Variants in NUP160 observed in about 807,000 individuals in gnomAD.
NUP160 encodes the protein nucleoporin 160, also known as nuclear pore complex protein Nup160.
A neutral mutation model predicts 196.9 loss-of-function variants in NUP160; 94 were observed. The ratio of observed to expected loss-of-function variants is 0.48; its 90% CI spans 0.40 to 0.57. NUP160 has a LOEUF of 0.57. NUP160 is among the 20% of genes least tolerant of loss of function. The probability of loss-of-function intolerance (pLI) is 0.00; values close to 1 mark genes in which losing one functional copy is unlikely to be tolerated. For missense variants in NUP160, 1,638 were observed against 1,748.3 expected, an observed-to-expected ratio of 0.94 and a Z score of 1.13; for synonymous variants, 605 against 619.7, an observed-to-expected ratio of 0.98 and a Z score of 0.35.
At chr11:47,792,728 A>G (rs754434) in intron 28 of NUP160, 58 bp downstream of exon 28, 621,902 of 1,445,442 alleles carry the variant, frequency 0.43, 140,127 homozygotes, top group South Asian at 0.54. Context: ...GACCAAAACA[A>G]GTAGATTTAC....
intron 2 of NUP160, 38 bp downstream of exon 2, chr11:47,847,810 C>A: frequency 6.9e-7 from 1 of 1,451,542 alleles, no homozygotes; most frequent in Non-Finnish European, 9.7e-7. Context: ...ACACCAAACC[C>A]TACCTTCCAG....
chr11:47,826,576 T>C (rs1176469582), intron 7 of NUP160, among the ~76,000 whole-genome samples: 3 of 150,276 alleles, frequency 2.0e-5, no homozygotes, highest in African/African-American at 7.3e-5. Context: ...CCCCCTTTTT[T>C]TTTTGAGACA....
At chr11:47,780,701 A>G (rs555223717) in intron 34 of NUP160, among the ~76,000 whole-genome samples, 20 of 151,830 alleles carry the variant, frequency 1.3e-4, no homozygotes, top group Non-Finnish European at 2.8e-4. Context: ...ATGCCTAGCT[A>G]ATTTTTTTAT....
At chr11:47,835,674 T>C in exon 7 of NUP160, 2 of 1,595,510 alleles carry the variant, frequency 1.3e-6, no homozygotes, top group Non-Finnish European at 1.7e-6. Flanking sequence ...GGTGCATGCA[T>C]GTATATCCCC....
At chr11:47,782,303 AAT>A (rs10529981) in intron 34 of NUP160, among the ~76,000 whole-genome samples, 26 of 40,502 alleles carry the variant, frequency 6.4e-4, no homozygotes, top group Non-Finnish European at 7.4e-4. Flanking sequence ...AAAAAAAAAA[AAT>A]ATATATATAT....
chr11:47,783,556 T>G (rs1198058278), intron 33 of NUP160, among the ~76,000 whole-genome samples: 2 of 152,126 alleles, frequency 1.3e-5, no homozygotes, highest in African/African-American at 4.8e-5. Flanking sequence ...TGACAATATA[T>G]TCACATAATA....
At chr11:47,813,282 G>A (rs368670589) in intron 14 of NUP160, 34 bp downstream of exon 14, 4 of 1,406,398 alleles carry the variant, frequency 2.8e-6, no homozygotes, top group Non-Finnish European at 4.0e-6. Flanking sequence ...TATATAGGAA[G>A]GGGATTAAAT....
chr11:47,812,944 A>G, exon 15 of NUP160: 2 of 1,613,672 alleles, frequency 1.2e-6, no homozygotes, highest in Non-Finnish European at 1.7e-6. Flanking sequence ...ACTGTAGGTT[A>G]TAACAACTCA....
At chr11:47,820,236 G>A (rs1248675379) in intron 9 of NUP160, 1 of 152,132 alleles carries the variant, frequency 6.6e-6, no homozygotes. Context: ...AGGGCTGTAT[G>A]CCAACTTTAG....
chr11:47,784,028 A>C (rs994485953), intron 33 of NUP160, among the ~76,000 whole-genome samples: 3 of 151,798 alleles, frequency 2.0e-5, no homozygotes, highest in Non-Finnish European at 2.9e-5. Flanking sequence ...AAAAACAAAA[A>C]CAAAAAAAAC....
At position 47,792,785 on chromosome 11, in the gene NUP160, C is replaced by T; in HGVS notation, c.3450+1G>A. 1 of 1,605,620 alleles carries T rather than the reference C, an allele frequency of 6.2e-7. No homozygotes were observed. Among genetic ancestry groups the T allele is most frequent in the Non-Finnish European group, 8.5e-7 (1 of 1,176,250 alleles). On this transcript the variant is annotated splice_donor_variant, in intron 28 of 35. Transcript: ENST00000378460. LOFTEE classifies it high-confidence loss of function. ...AATTCCAGGATGAAATGTTTTCATA[C>T]CACTGCACCAGACACTGGCTGCACA... is the stretch of plus-strand genomic sequence containing the variant.
chr11:47,835,553 T>C, intron 7 of NUP160, 98 bp downstream of exon 7: 1 of 968,526 alleles, frequency 1.0e-6, no homozygotes, highest in Non-Finnish European at 1.5e-6. Context: ...CACATCTAGG[T>C]CGGTGAAAAG....
chr11:47,821,978 T>C (rs1325799822), intron 8 of NUP160, 109 bp downstream of exon 8: 3 of 989,338 alleles, frequency 3.0e-6, no homozygotes, highest in Non-Finnish European at 4.6e-6. Flanking sequence ...GTTCCATATA[T>C]CATGAAATAA....
At chr11:47,840,326 T>G in intron 3 of NUP160, 52 bp downstream of exon 3, 1 of 1,470,244 alleles carries the variant, frequency 6.8e-7, no homozygotes, top group Middle Eastern at 1.7e-4. Flanking sequence ...ACTACATTTG[T>G]GACACCCAGA....
intron 21 of NUP160, among the ~76,000 whole-genome samples, 173 bp from the exon 22 acceptor site, chr11:47,803,709 T>C (rs1164066044): frequency 6.6e-6 from 1 of 152,200 alleles, no homozygotes; most frequent in Admixed American, 6.5e-5. Context: ...TCTTCATCCA[T>C]TCCCCCTTTC....
rs35398008 is a variant in NUP160 at position 47,796,152 on chromosome 11, T to TAA, written c.3289+1625_3289+1626dup. ...CTGGGCAACGGAGTGAGACTTCATC[T>TAA]AAAAAAAAAAAAAAAAAAAAAGGAG... is the stretch of plus-strand genomic sequence containing the variant. On this transcript the variant is annotated intron_variant, in intron 27 of 35. Transcript: ENST00000378460. 973 of 118,488 alleles carry TAA rather than the reference T, an allele frequency of 8.2e-3. 5 individuals are homozygous for TAA. Among genetic ancestry groups the TAA allele is most frequent in the African/African-American group, 0.016 (385 of 23,342 alleles). The allele number at this position is 118,488 out of a possible 1,614,324, so 7.3% of individuals were successfully genotyped here. A position where few individuals can be genotyped will look rare whatever the true frequency, so the allele number is the denominator to read the frequency against.
chr11:47,788,601 T>C (rs1353869983), exon 30 of NUP160: 6 of 1,612,610 alleles, frequency 3.7e-6, no homozygotes, highest in Non-Finnish European at 4.2e-6. Context: ...GGATTTCAAT[T>C]TGTCGATTTG....
intron 17 of NUP160, among the ~76,000 whole-genome samples, chr11:47,811,092 T>G (rs531801236): frequency 6.6e-6 from 1 of 152,034 alleles, no homozygotes; most frequent in Non-Finnish European, 1.5e-5. Context: ...GACTATATAT[T>G]AGCAACAAGA....
chr11:47,796,231 G>T (rs1327540902), intron 27 of NUP160: 2 of 508,854 alleles, frequency 3.9e-6, no homozygotes, highest in Non-Finnish European at 7.2e-6. Context: ...CAGAAAAAGA[G>T]AAATACGAGA....
Sources: allele counts gnomAD v4.1 joint callset (sites outside exome capture counted in the v4.1 genomes callset), GRCh38; gene constraint gnomAD v4.1.1; transcripts MANE v1.5; gene names NCBI Gene and HGNC (gene_info 2026-07-23, HGNC 2026-07-21).